SLC2A9: variants seen among roughly 807,000 people sequenced by gnomAD.
SLC2A9 encodes the protein solute carrier family 2, facilitated glucose transporter member 9.
A neutral mutation model predicts 50.6 loss-of-function variants in SLC2A9; 39 were observed. The ratio of observed to expected loss-of-function variants is 0.77; its 90% CI spans 0.60 to 1.01. SLC2A9 has a LOEUF of 1.01. Ranked by LOEUF, SLC2A9 falls within the 50% of genes least tolerant of loss-of-function variation. SLC2A9 has a pLI of 0.00. For missense variants in SLC2A9, 686 were observed against 677.6 expected, an observed-to-expected ratio of 1.01 and a Z score of -0.14; for synonymous variants, 324 against 276.9, an observed-to-expected ratio of 1.17 and a Z score of -1.69.
At chr4:9,850,315 C>T (rs760745224) in intron 10 of SLC2A9, among the ~76,000 whole-genome samples, 2 of 152,162 alleles carry the variant, frequency 1.3e-5, no homozygotes, top group African/African-American at 2.4e-5. Flanking sequence ...AGGACTCCAG[C>T]CTGTGTGTTG....
At chr4:9,898,990 C>G (rs1268200988) in intron 8 of SLC2A9, among the ~76,000 whole-genome samples, 1 of 145,236 alleles carries the variant, frequency 6.9e-6, no homozygotes, top group Non-Finnish European at 1.5e-5. Context: ...CTCTCTCTCC[C>G]TCCCTCCCCC....
At chr4:10,036,808 G>A (rs756604768) in intron 1 of SLC2A9, among the ~76,000 whole-genome samples, 1 of 152,196 alleles carries the variant, frequency 6.6e-6, no homozygotes, top group Non-Finnish European at 1.5e-5. Context: ...GAAACAACAG[G>A]CGGTGCATGC....
intron 2 of SLC2A9, chr4:10,009,613 C>A (rs1260228470): frequency 2.0e-5 from 3 of 152,172 alleles, no homozygotes; most frequent in African/African-American, 7.2e-5. Flanking sequence ...GTCTCCCCTC[C>A]CAAGAAGACA....
chr4:9,980,623 T>G lies in SLC2A9; in HGVS notation c.650A>C (p.Gln217Pro). ...IFICIGVFTG[Q>P]LLGLPELLGK... ...CAGCAGCTCGGGCAGGCCCAGAAGC[T>G]GCCCAGTGAACACGCCAATGCAGAT... The change falls in exon 5 of 12, where the codon CAG (glutamine) becomes CCG (proline). Residue 217 changes from glutamine (Q) to proline (P), a missense_variant. Coordinates refer to ENST00000264784, the MANE Select transcript of SLC2A9 (RefSeq NM_020041.3). 1 of 1,614,196 alleles carries G rather than the reference T, an allele frequency of 6.2e-7. No homozygotes were observed. The highest frequency in any genetic ancestry group is 8.5e-7 in the Non-Finnish European group (1 of 1,180,030).
At chr4:9,781,676 G>T (rs539022301) in intron 3 of SLC2A9, 1 of 214,604 alleles carries the variant, frequency 4.7e-6, no homozygotes, top group African/African-American at 2.3e-5. Flanking sequence ...CAGCCCCTCA[G>T]TGGCGGCTTG....
chr4:9,874,521 G>T (rs1733964579), intron 10 of SLC2A9, among the ~76,000 whole-genome samples: 1 of 152,204 alleles, frequency 6.6e-6, no homozygotes, highest in African/African-American at 2.4e-5. Context: ...TGAGAATCAG[G>T]CCTCTGAGAG....
chr4:9,885,320 A>G (rs1453778051), intron 10 of SLC2A9, among the ~76,000 whole-genome samples: 1 of 152,194 alleles, frequency 6.6e-6, no homozygotes, highest in African/African-American at 2.4e-5. Context: ...ATGGAATTCA[A>G]CCTTATATTT....
intron 10 of SLC2A9, among the ~76,000 whole-genome samples, chr4:9,855,123 G>T (rs1189951663): frequency 1.3e-5 from 2 of 152,122 alleles, no homozygotes; most frequent in Non-Finnish European, 2.9e-5. Flanking sequence ...AATCAGGCAA[G>T]AGAAAGAAAT....
intron 2 of SLC2A9, among the ~76,000 whole-genome samples, chr4:10,017,962 C>T (rs1762894549): frequency 6.6e-6 from 1 of 152,230 alleles, no homozygotes; most frequent in South Asian, 2.1e-4. Context: ...CATCACTCCA[C>T]CTTCCAAACT....
chr4:9,837,087 C>T (rs1040568441), intron 10 of SLC2A9, among the ~76,000 whole-genome samples: 4 of 152,070 alleles, frequency 2.6e-5, no homozygotes, highest in South Asian at 2.1e-4. Flanking sequence ...CGGAATGGAG[C>T]GTCCCCTCAC....
intron 5 of SLC2A9, among the ~76,000 whole-genome samples, chr4:9,978,340 T>C (rs1755149156): frequency 6.6e-6 from 1 of 152,186 alleles, no homozygotes; most frequent in Admixed American, 6.5e-5. Context: ...AGACAGACCT[T>C]ACGGACTCAA....
downstream of SLC2A9, among the ~76,000 whole-genome samples, chr4:9,777,301 T>C (rs1577240376): frequency 6.6e-6 from 1 of 151,128 alleles, no homozygotes. Flanking sequence ...CTGTTTCTTT[T>C]TTTTTTTTTT....
At chr4:9,924,042 G>C in intron 6 of SLC2A9, 1 of 152,130 alleles carries the variant, frequency 6.6e-6, no homozygotes, top group East Asian at 1.9e-4. Flanking sequence ...AGGTCACAGG[G>C]GGTGGCAAGA....
chr4:9,823,243 G>A (rs896516135), downstream of SLC2A9, among the ~76,000 whole-genome samples: 2 of 152,096 alleles, frequency 1.3e-5, no homozygotes, highest in African/African-American at 4.8e-5. Flanking sequence ...CCAACTCCTG[G>A]TCAGGAATTA....
chr4:9,779,226 A>C (rs1453414236), downstream of SLC2A9, among the ~76,000 whole-genome samples: 1 of 151,808 alleles, frequency 6.6e-6, no homozygotes, highest in African/African-American at 2.4e-5. Context: ...CCCTTTGCCT[A>C]CTTAACTGTG....
chr4:9,795,344 G>A (rs1278937337), downstream of SLC2A9, among the ~76,000 whole-genome samples: 1 of 152,130 alleles, frequency 6.6e-6, no homozygotes. Context: ...CTGATGCTGT[G>A]AGGCTGCTGT....
At chr4:9,829,372 A>T (rs546132154) in intron 11 of SLC2A9, among the ~76,000 whole-genome samples, 1 of 151,926 alleles carries the variant, frequency 6.6e-6, no homozygotes, top group Non-Finnish European at 1.5e-5. Flanking sequence ...ATGCTTAAAG[A>T]CTTAAATGTA....
chr4:9,939,091 G>A (rs1177984302), intron 6 of SLC2A9, among the ~76,000 whole-genome samples: 2 of 152,148 alleles, frequency 1.3e-5, no homozygotes, highest in Non-Finnish European at 2.9e-5. Context: ...AGGATTTTAG[G>A]AGATTTCAAG....
At chr4:9,834,842 A>AG in intron 11 of SLC2A9, 39 bp downstream of exon 11, 1 of 1,613,942 alleles carries the variant, frequency 6.2e-7, no homozygotes, top group Non-Finnish European at 8.5e-7. Context: ...GCAGAATCAA[A>AG]GGGAACCCCA....
Sources: allele counts gnomAD v4.1 joint callset (sites outside exome capture counted in the v4.1 genomes callset), GRCh38; gene constraint gnomAD v4.1.1; transcripts MANE v1.5; gene names NCBI Gene and HGNC (gene_info 2026-07-23, HGNC 2026-07-21).